Variants in MDGA2 observed in about 807,000 individuals in gnomAD.
The protein encoded by MDGA2 is MAM domain-containing glycosylphosphatidylinositol anchor protein 2.
A neutral mutation model predicts 117.8 loss-of-function variants in MDGA2; 40 were observed. That is an observed-to-expected ratio of 0.34 (90% CI 0.26 to 0.44). The LOEUF (loss-of-function observed/expected upper bound fraction) is 0.44, where lower values mean the gene tolerates loss of function less well. Among genes scored for constraint, MDGA2 ranks in the 20% least tolerant of loss-of-function variants. The probability of loss-of-function intolerance (pLI) is 1.00; values close to 1 mark genes in which losing one functional copy is unlikely to be tolerated. For synonymous variants in MDGA2, 452 were observed against 439.0 expected (o/e 1.03, Z -0.37); for missense variants, 1,123 against 1,250.6 (o/e 0.90, Z 1.54).
At chr14:47,006,760 T>A (rs939856601) in intron 8 of MDGA2, among the ~76,000 whole-genome samples, 2 of 151,718 alleles carry the variant, frequency 1.3e-5, no homozygotes, top group African/African-American at 2.4e-5. Context: ...ATTTAAAATT[T>A]GCTTTTTTCC....
At chr14:46,968,974 C>T (rs1053068016) in intron 8 of MDGA2, among the ~76,000 whole-genome samples, 6 of 151,972 alleles carry the variant, frequency 3.9e-5, no homozygotes, top group Non-Finnish European at 7.4e-5. Flanking sequence ...GAAAACAATC[C>T]CACTTGCAAT....
chr14:47,246,008 T>C (rs1282457133), intron 2 of MDGA2, among the ~76,000 whole-genome samples: 1 of 151,850 alleles, frequency 6.6e-6, no homozygotes, highest in Non-Finnish European at 1.5e-5. Context: ...ATAGAGCTAA[T>C]GATTAGTGGA....
chr14:47,164,547 ATGAGAT>A (rs1341789519), intron 3 of MDGA2, among the ~76,000 whole-genome samples: 14 of 152,166 alleles, frequency 9.2e-5, no homozygotes, highest in South Asian at 2.1e-4. Context: ...CAAAACCACA[ATGAGAT>A]ACCATCTCAC....
intron 9 of MDGA2, among the ~76,000 whole-genome samples, chr14:46,930,315 TAA>T (rs1884519295): frequency 6.6e-6 from 1 of 152,084 alleles, no homozygotes; most frequent in Non-Finnish European, 1.5e-5. Context: ...TAGAACAAAT[TAA>T]AAGAGATTTA....
chr14:46,867,961 GA>G (rs1881844389), intron 14 of MDGA2, among the ~76,000 whole-genome samples: 1 of 151,366 alleles, frequency 6.6e-6, no homozygotes, highest in Non-Finnish European at 1.5e-5. Flanking sequence ...ATGTCTTAAT[GA>G]AACTACCTTC....
chr14:47,158,363 G>GGTGTGTGTGTGTGT (rs34198544), intron 3 of MDGA2, among the ~76,000 whole-genome samples: 8 of 146,784 alleles, frequency 5.5e-5, no homozygotes, highest in Admixed American at 1.4e-4. Context: ...CCCTGGGGTG[G>GGTGTGTGTGTGTGT]GTGTGTGTGT....
At chr14:47,674,249 A>G (rs893776603) in intron 1 of MDGA2, among the ~76,000 whole-genome samples, 8 of 152,162 alleles carry the variant, frequency 5.3e-5, no homozygotes, top group Non-Finnish European at 1.2e-4. Context: ...CCGCGGGGAT[A>G]AATCAAGTGC....
At chr14:47,276,231 C>G (rs549127604) in intron 2 of MDGA2, among the ~76,000 whole-genome samples, 1 of 152,200 alleles carries the variant, frequency 6.6e-6, no homozygotes, top group East Asian at 1.9e-4. Context: ...ATTATAAGTT[C>G]TAATCCAGTC....
At chr14:47,595,170 C>A (rs1272290769) in intron 1 of MDGA2, among the ~76,000 whole-genome samples, 3 of 151,452 alleles carry the variant, frequency 2.0e-5, no homozygotes, top group Non-Finnish European at 4.4e-5. Flanking sequence ...TTGGACATGG[C>A]AAGTGACTAA....
chr14:47,188,755 T>C (rs762053116), intron 3 of MDGA2, among the ~76,000 whole-genome samples: 10 of 152,102 alleles, frequency 6.6e-5, no homozygotes, highest in Non-Finnish European at 1.5e-4. Flanking sequence ...AGTCTTGACA[T>C]ATTCAAAAAG....
At chr14:47,399,609 A>G (rs781345654) in intron 1 of MDGA2, among the ~76,000 whole-genome samples, 2 of 152,144 alleles carry the variant, frequency 1.3e-5, no homozygotes, top group Non-Finnish European at 2.9e-5. Context: ...AGGAGCACAC[A>G]TAACACATTT....
At chr14:47,025,710 C>A (rs199818940) in intron 8 of MDGA2, among the ~76,000 whole-genome samples, 58 of 141,790 alleles carry the variant, frequency 4.1e-4, no homozygotes, top group African/African-American at 2.9e-4. Flanking sequence ...TTCTCCACCA[C>A]AAAAAAAAAA....
At chr14:47,116,058 T>C (rs1441227695) in intron 5 of MDGA2, among the ~76,000 whole-genome samples, 1 of 151,978 alleles carries the variant, frequency 6.6e-6, no homozygotes, top group African/African-American at 2.4e-5. Flanking sequence ...AAAAAATACT[T>C]CAGGAAAATT....
intron 1 of MDGA2, among the ~76,000 whole-genome samples, chr14:47,378,300 C>T (rs1263845102): frequency 1.3e-5 from 2 of 152,168 alleles, no homozygotes; most frequent in African/African-American, 4.8e-5. Context: ...AATCAGAGCA[C>T]CTCTTCTTCT....
chr14:47,158,363 G>GGTGTGTGT lies in MDGA2; in HGVS notation c.596-14097_596-14090dup, dbSNP rs34198544. ...TTTCTCAGAACATATCCCTGGGGTG[G>GGTGTGTGT]GTGTGTGTGTGTGTGTGTGTGTGTG... On this transcript the variant is annotated intron_variant, in intron 3 of 16. Transcript: ENST00000399232. Among the ~76,000 whole-genome samples, 1,362 of 146,772 alleles carry GGTGTGTGT rather than the reference G, an allele frequency of 9.3e-3. 22 individuals are homozygous for GGTGTGTGT. The highest frequency in any genetic ancestry group is 0.033 in the African/African-American group (1,302 of 39,606).
chr14:47,489,487 T>G (rs189073749), intron 1 of MDGA2, among the ~76,000 whole-genome samples: 4 of 152,188 alleles, frequency 2.6e-5, no homozygotes, highest in African/African-American at 9.6e-5. Flanking sequence ...CCGTTTTACT[T>G]TCTGCTCCCC....
chr14:47,066,255 A>T (rs1954241), intron 6 of MDGA2, among the ~76,000 whole-genome samples: 96,778 of 152,050 alleles, frequency 0.64, 31,265 homozygotes, highest in East Asian at 0.85. Flanking sequence ...TGCATTGTTA[A>T]AGTTGGTACT....
At chr14:47,066,278 T>C (rs1890076991) in intron 6 of MDGA2, among the ~76,000 whole-genome samples, 1 of 152,226 alleles carries the variant, frequency 6.6e-6, no homozygotes, top group Admixed American at 6.5e-5. Context: ...ATACTCTTTA[T>C]TGAATTTAAT....
At chr14:47,225,814 A>T (rs1026979662) in intron 2 of MDGA2, among the ~76,000 whole-genome samples, 1 of 138,516 alleles carries the variant, frequency 7.2e-6, no homozygotes, top group African/African-American at 2.9e-5. Flanking sequence ...AAGTGTAATA[A>T]TAATAAATAA....
Sources: allele counts gnomAD v4.1 joint callset (sites outside exome capture counted in the v4.1 genomes callset), GRCh38; gene constraint gnomAD v4.1.1; transcripts MANE v1.5; gene names NCBI Gene and HGNC (gene_info 2026-07-23, HGNC 2026-07-21).